Variants in TP63 observed in about 807,000 individuals in gnomAD.
The protein encoded by TP63 is tumor protein 63.
In TP63, 17 loss-of-function variants were observed where a neutral mutation model predicts 82.8. The ratio of observed to expected loss-of-function variants is 0.21; its 90% CI spans 0.14 to 0.31. The LOEUF is 0.31. TP63 is among the 10% of genes least tolerant of loss of function. The pLI, the probability that TP63 is intolerant of heterozygous loss-of-function variation, is 1.00. For missense variants in TP63, 648 were observed against 895.3 expected, an observed-to-expected ratio of 0.72 and a Z score of 3.52; for synonymous variants, 330 against 321.7, an observed-to-expected ratio of 1.03 and a Z score of -0.28.
At chr3:189,705,019 T>G (rs955621045) in intron 1 of TP63, among the ~76,000 whole-genome samples, 5 of 152,344 alleles carry the variant, frequency 3.3e-5, no homozygotes, top group African/African-American at 1.2e-4. Context: ...CTATGATTTT[T>G]AAATTTACAT....
chr3:189,626,647 G>A (rs1309573463), upstream of TP63, among the ~76,000 whole-genome samples: 1 of 152,106 alleles, frequency 6.6e-6, no homozygotes, highest in Non-Finnish European at 1.5e-5. Flanking sequence ...GTCATGGTAG[G>A]GCCATCAGTC....
chr3:189,652,204 A>G (rs1217209485), intron 1 of TP63, among the ~76,000 whole-genome samples: 1 of 146,770 alleles, frequency 6.8e-6, no homozygotes, highest in Admixed American at 6.7e-5. Context: ...AACCCCAACC[A>G]TGAAGGCAGC....
intron 3 of TP63, among the ~76,000 whole-genome samples, chr3:189,758,700 G>A (rs150886847): frequency 3.6e-4 from 55 of 152,258 alleles, no homozygotes; most frequent in Admixed American, 5.9e-4. Context: ...TTTATTCTGC[G>A]GAGGCAAGAG....
intron 4 of TP63, among the ~76,000 whole-genome samples, chr3:189,822,389 T>C (rs1315254065): frequency 6.6e-6 from 1 of 152,184 alleles, no homozygotes; most frequent in African/African-American, 2.4e-5. Flanking sequence ...GGAAAATGAA[T>C]GGCTAGATTA....
the TP63 span, among the ~76,000 whole-genome samples, chr3:189,610,857 A>G: frequency 6.6e-6 from 1 of 152,186 alleles, no homozygotes; most frequent in African/African-American, 2.4e-5. Context: ...AGGCCTCACC[A>G]TCATGGCAGA....
At chr3:189,655,156 G>T (rs1390367154) in intron 1 of TP63, among the ~76,000 whole-genome samples, 1 of 152,178 alleles carries the variant, frequency 6.6e-6, no homozygotes, top group African/African-American at 2.4e-5. Context: ...AATGAAAATT[G>T]AGATCTCTGC....
At chr3:189,685,724 TA>T (rs1716379477) in intron 1 of TP63, among the ~76,000 whole-genome samples, 1 of 152,226 alleles carries the variant, frequency 6.6e-6, no homozygotes, top group African/African-American at 2.4e-5. Context: ...TTGATAGCAA[TA>T]TTGATATTAA....
intron 1 of TP63, among the ~76,000 whole-genome samples, chr3:189,658,121 C>T (rs911192996): frequency 3.3e-5 from 5 of 151,894 alleles, no homozygotes; most frequent in East Asian, 1.9e-4. Flanking sequence ...AACATAATAA[C>T]GGGGATATGT....
intron 4 of TP63, among the ~76,000 whole-genome samples, chr3:189,825,793 T>TA (rs912139896): frequency 2.0e-5 from 3 of 152,030 alleles, no homozygotes; most frequent in Non-Finnish European, 4.4e-5. Context: ...CCACGTGCTT[T>TA]AAAAAAAATA....
rs5855276 is a variant in TP63, at chr3:189,882,018, C to CAAA, written c.1350-4366_1350-4364dup. On this transcript the variant is annotated intron_variant, in intron 10 of 13. Transcript: ENST00000264731. ...TAAAAGCTTCATAAGAAGTTCTAAC[C>CAAA]AAAAAAAAAAAATTAGTATTTTAGA... is the stretch of plus-strand genomic sequence containing the variant. 8.6e-3 allele frequency among the ~76,000 whole-genome samples: 1,197 copies of CAAA among 139,698 alleles called. 12 individuals are homozygous for CAAA. The highest frequency in any genetic ancestry group is 0.019 in the African/African-American group (716 of 38,700). 91.6% of individuals were successfully genotyped at this position (139,698 alleles called of 152,430 possible). A position where few individuals can be genotyped will look rare whatever the true frequency, so the allele number is the denominator to read the frequency against.
At chr3:189,890,123 C>T (rs1342553218) in intron 12 of TP63, among the ~76,000 whole-genome samples, 1 of 152,166 alleles carries the variant, frequency 6.6e-6, no homozygotes, top group Non-Finnish European at 1.5e-5. Flanking sequence ...TCTTCTTCTG[C>T]TTCATGTGCA....
At chr3:189,847,333 G>C (rs555167849) in intron 4 of TP63, among the ~76,000 whole-genome samples, 1 of 152,322 alleles carries the variant, frequency 6.6e-6, no homozygotes, top group Non-Finnish European at 1.5e-5. Context: ...ACTCCAGCCT[G>C]GGTGACAGAG....
At chr3:189,691,247 G>A (rs6771849) in intron 1 of TP63, among the ~76,000 whole-genome samples, 2,890 of 146,512 alleles carry the variant, frequency 0.02, 96 homozygotes, top group African/African-American at 0.068. Flanking sequence ...GCTGACACAG[G>A]AGAATCTCTT....
chr3:189,658,205 A>C (rs1194234829), intron 1 of TP63, among the ~76,000 whole-genome samples: 1 of 152,094 alleles, frequency 6.6e-6, no homozygotes, highest in Non-Finnish European at 1.5e-5. Flanking sequence ...AAAATTAATA[A>C]AGTAGTATTG....
chr3:189,700,951 A>G (rs1717755539), intron 1 of TP63, among the ~76,000 whole-genome samples: 1 of 152,238 alleles, frequency 6.6e-6, no homozygotes, highest in African/African-American at 2.4e-5. Flanking sequence ...GTATTACAAA[A>G]ATAATGTTAA....
intron 3 of TP63, among the ~76,000 whole-genome samples, chr3:189,788,844 C>T (rs1437736850): frequency 6.6e-6 from 1 of 151,126 alleles, no homozygotes; most frequent in Non-Finnish European, 1.5e-5. Context: ...GTGCAGTAAT[C>T]ATTTTTATTA....
At chr3:189,777,845 C>CTTTTTTTTTTTTTTTT (rs55731981) in intron 3 of TP63, among the ~76,000 whole-genome samples, 6 of 37,754 alleles carry the variant, frequency 1.6e-4, no homozygotes, top group African/African-American at 4.7e-4. Flanking sequence ...TCTTCTTCTT[C>CTTTTTTTTTTTTTTTT]TTTTTTTTTT....
At position 189,822,877 on chromosome 3, in the gene TP63, T is replaced by C. The variant is rs572453561; in HGVS notation, c.579+14351T>C. Among the ~76,000 whole-genome samples the C allele has an allele frequency of 2.6e-5, 4 of 152,240 alleles. No homozygotes were observed. In the East Asian group the frequency reaches 5.8e-4, roughly 22 times the overall value. ...AGAAGGGAAGCCACAGGAAGGCAGA[T>C]TGCAGCAGAAAATGAATGGTCAGGG... On this transcript the variant is annotated intron_variant, in intron 4 of 13. Transcript: ENST00000264731.
intron 4 of TP63, among the ~76,000 whole-genome samples, chr3:189,827,889 G>T (rs1711648756): frequency 1.3e-5 from 2 of 152,146 alleles, no homozygotes; most frequent in African/African-American, 4.8e-5. Flanking sequence ...CAGCAGTTTG[G>T]AGGTAGGGAG....
Sources: gnomAD v4.1 joint callset for allele counts (sites outside exome capture counted in the v4.1 genomes callset) on GRCh38, gnomAD v4.1.1 for gene constraint, MANE v1.5 for transcripts, NCBI Gene and HGNC (gene_info 2026-07-23, HGNC 2026-07-21) for gene names.